The following THTPA variants were observed in gnomAD, a reference collection of about 807,000 sequenced individuals.
The protein encoded by THTPA is thiamine-triphosphatase.
Under a neutral mutation model 16.5 loss-of-function variants are expected in THTPA, and 16 were observed. The observed-to-expected ratio is 0.97, with a 90% CI of 0.66 to 1.47. THTPA has a LOEUF of 1.47. Among genes scored for constraint, THTPA ranks in the 40% most tolerant of loss-of-function variants. The probability of loss-of-function intolerance (pLI) is 0.00; values close to 1 mark genes in which losing one functional copy is unlikely to be tolerated. For synonymous variants in THTPA, 110 were observed against 115.5 expected (o/e 0.95, Z 0.30); for missense variants, 281 against 280.9 (o/e 1.00, Z 0.00).
the THTPA span, chr14:23,521,996 T>C: frequency 6.5e-7 from 1 of 1,536,352 alleles, no homozygotes; most frequent in East Asian, 2.4e-5. Flanking sequence ...AGTCGTAGTT[T>C]TTGGGTTGGA....
chr14:23,530,231 G>A, the THTPA span: 2 of 1,446,634 alleles, frequency 1.4e-6, no homozygotes, highest in South Asian at 2.4e-5. Context: ...TTAAAGAGGT[G>A]TGGCATCAGG....
upstream of THTPA, chr14:23,551,435 C>T (rs1414820604): frequency 6.6e-6 from 1 of 152,586 alleles, no homozygotes; most frequent in East Asian, 1.9e-4. This position sits in a 1 kb window ranked among gnomAD's most constrained non-coding sequence, Gnocchi z 5.3. Flanking sequence ...AGGGACTTCT[C>T]CGATGTGTTG....
the THTPA span, chr14:23,531,576 C>T: frequency 4.0e-3 from 6,149 of 1,524,984 alleles, 204 homozygotes; most frequent in South Asian, 0.057. Flanking sequence ...CAGCTGCAGA[C>T]GCCTCTGGGC....
the THTPA span, chr14:23,522,056 G>A: frequency 1.1e-4 from 174 of 1,536,374 alleles, no homozygotes; most frequent in South Asian, 3.4e-4. Flanking sequence ...CACAGCAGCC[G>A]AGGCAGCAGT....
the THTPA span, chr14:23,524,796 C>G: frequency 2.0e-6 from 3 of 1,536,838 alleles, no homozygotes; most frequent in Non-Finnish European, 2.6e-6. This position sits in a 1 kb window ranked among gnomAD's most constrained non-coding sequence, Gnocchi z 5.6. Flanking sequence ...ACTTCTTCTT[C>G]TTCCACCTCT....
the THTPA span, chr14:23,524,829 C>T: frequency 6.5e-7 from 1 of 1,537,058 alleles, no homozygotes; most frequent in South Asian, 1.2e-5. This position sits in a 1 kb window ranked among gnomAD's most constrained non-coding sequence, Gnocchi z 5.6. Flanking sequence ...CCTCTCTCTG[C>T]CTCTTCCTCC....
At chr14:23,555,322 G>A (rs1882273761), upstream of THTPA, among the ~76,000 whole-genome samples, 1 of 152,094 alleles carries the variant, frequency 6.6e-6, no homozygotes. Context: ...ATGAACATAA[G>A]TAGTTCTACA....
At chr14:23,549,926 A>G in the THTPA span, among the ~76,000 whole-genome samples, 2 of 152,240 alleles carry the variant, frequency 1.3e-5, no homozygotes, top group Admixed American at 6.5e-5. Context: ...AGGGTGATCA[A>G]GAAGAAAAGG....
intron 1 of THTPA, 37 bp from the exon 2 acceptor site, chr14:23,558,658 C>CTT: frequency 6.2e-7 from 1 of 1,613,214 alleles, no homozygotes; most frequent in Non-Finnish European, 8.5e-7. Flanking sequence ...GCTTGTGGCT[C>CTT]TGTCCATTTC....
the THTPA span, chr14:23,530,247 G>A: frequency 7.5e-7 from 1 of 1,339,244 alleles, no homozygotes; most frequent in Admixed American, 2.0e-5. Flanking sequence ...TCAGGGAAGG[G>A]AGGACATAGG....
chr14:23,526,665 T>C, the THTPA span: 1 of 1,535,440 alleles, frequency 6.5e-7, no homozygotes, highest in East Asian at 2.4e-5. Flanking sequence ...GCTTCTGGGG[T>C]CAGGTTAGGG....
At chr14:23,528,697 T>C in the THTPA span, 1 of 985,238 alleles carries the variant, frequency 1.0e-6, no homozygotes, top group African/African-American at 1.7e-5. Context: ...CCATCTTTCT[T>C]TTTCCTTCTT....
chr14:23,525,109 C>G, the THTPA span: 1 of 1,536,200 alleles, frequency 6.5e-7, no homozygotes, highest in Non-Finnish European at 8.7e-7. The surrounding 1 kb of genome is among the most constrained non-coding windows in gnomAD (Gnocchi z 5.9). Context: ...CAAAGAAAGA[C>G]TGCAGGGCTT....
At chr14:23,520,740 G>A in the THTPA span, 1 of 143,810 alleles carries the variant, frequency 7.0e-6, no homozygotes, top group African/African-American at 2.5e-5. The surrounding 1 kb of genome is among the most constrained non-coding windows in gnomAD (Gnocchi z 8.7). Flanking sequence ...CCATAGCAAG[G>A]AGCTAAAGCT....
chr14:23,559,674 A>C lies in THTPA; in HGVS notation c.*834A>C. On this transcript the variant is annotated 3_prime_UTR_variant, in exon 2 of 2. Coordinates refer to ENST00000288014, the MANE Select transcript of THTPA (RefSeq NM_024328.6). Reference sequence around the variant, plus strand: ...AGAGCGCCACCTGCTGGTAGCCCTCAGGTGTAGGTTCGAAGCTGCTGGGGC... The same window carrying C: ...AGAGCGCCACCTGCTGGTAGCCCTCCGGTGTAGGTTCGAAGCTGCTGGGGC... 7.4e-7 allele frequency: 1 copy of C among 1,353,328 alleles called. No individual in the cohort carries two copies. 83.8% of individuals were successfully genotyped at this position (1,353,328 alleles called of 1,614,324 possible). A position where few individuals can be genotyped will look rare whatever the true frequency, so the allele number is the denominator to read the frequency against.
the THTPA span, among the ~76,000 whole-genome samples, chr14:23,546,894 T>G: frequency 6.6e-6 from 1 of 152,154 alleles, no homozygotes; most frequent in Non-Finnish European, 1.5e-5. The surrounding 1 kb of genome is among the most constrained non-coding windows in gnomAD (Gnocchi z 4.7). Context: ...AGCCCCTTCT[T>G]TAGCTGCCCT....
the THTPA span, chr14:23,525,316 A>G: frequency 6.5e-7 from 1 of 1,536,052 alleles, no homozygotes; most frequent in Non-Finnish European, 8.7e-7. This position sits in a 1 kb window ranked among gnomAD's most constrained non-coding sequence, Gnocchi z 5.9. Flanking sequence ...GAACAGGTGA[A>G]TCCAGAGACC....
At chr14:23,541,207 C>T in the THTPA span, among the ~76,000 whole-genome samples, 191 of 151,562 alleles carry the variant, frequency 1.3e-3, 2 homozygotes, top group African/African-American at 4.6e-3. Context: ...CGCCCGGCCT[C>T]TGTTCACCCC....
At position 23,560,077 on chromosome 14, in the gene THTPA, T is replaced by C; in HGVS notation, c.*1237T>C. The C allele has an allele frequency of 6.8e-7, 1 of 1,471,650 alleles. No individual in the cohort carries two copies. Among genetic ancestry groups the C allele is most frequent in the East Asian group, 2.3e-5 (1 of 43,288 alleles). The allele number at this position is 1,471,650 out of a possible 1,614,324, so 91.2% of individuals were successfully genotyped here. ...TAACAGAGCACAGTATGGCAGTAGG[T>C]AGGGCTCAGGCAGCCCCTCTATACT... On this transcript the variant is annotated 3_prime_UTR_variant, in exon 2 of 2. Transcript: ENST00000288014.
Sources: allele counts gnomAD v4.1 joint callset (sites outside exome capture counted in the v4.1 genomes callset), GRCh38; gene constraint gnomAD v4.1.1; non-coding constraint Gnocchi (gnomAD v3.1); transcripts MANE v1.5; gene names NCBI Gene and HGNC (gene_info 2026-07-23, HGNC 2026-07-21).